CLCN4: variants seen among roughly 807,000 people sequenced by gnomAD.
The protein encoded by CLCN4 is Cl-/H+ antiporter 4, also known as H(+)/Cl(-) exchange transporter 4.
A neutral mutation model predicts 41.7 loss-of-function variants in CLCN4; 1 was observed. The ratio of observed to expected loss-of-function variants is 0.02; its 90% CI spans 0.01 to 0.11. The LOEUF (loss-of-function observed/expected upper bound fraction) is 0.11, where lower values mean the gene tolerates loss of function less well. Among genes scored for constraint, CLCN4 ranks in the 10% least tolerant of loss-of-function variants. The pLI, the probability that CLCN4 is intolerant of heterozygous loss-of-function variation, is 1.00. For missense variants in CLCN4, 287 were observed against 661.0 expected, an observed-to-expected ratio of 0.43 and a Z score of 6.20; for synonymous variants, 277 against 285.8, an observed-to-expected ratio of 0.97 and a Z score of 0.31.
intron 2 of CLCN4, among the ~76,000 whole-genome samples, chrX:10,164,019 G>A (rs769587980): frequency 8.9e-6 from 1 of 112,945 alleles, no homozygotes; most frequent in South Asian, 3.6e-4. Context: ...AAATGGACAA[G>A]GTTCCTGCCC....
chrX:10,198,118 GCA>G, intron 6 of CLCN4, 57 bp downstream of exon 6: 6 of 1,110,283 alleles, frequency 5.4e-6, no homozygotes, highest in Non-Finnish European at 6.2e-6. Flanking sequence ...TTCTTCTGTA[GCA>G]CTGTCATGCC....
In CLCN4 at chrX:10,198,147, GTTTTAC is replaced by G; in HGVS notation, c.555+89_555+94del. 4 of 927,289 alleles carry G rather than the reference GTTTTAC, an allele frequency of 4.3e-6. No homozygotes were observed. In the East Asian group the frequency reaches 1.3e-4, roughly 29 times the overall value. The allele number at this position is 927,289 out of a possible 1,213,427, so 76.4% of individuals were successfully genotyped here. On this transcript the variant is annotated intron_variant, in intron 6 of 12. Coordinates refer to ENST00000380833, the MANE Select transcript of CLCN4 (RefSeq NM_001830.4). ...TGTCATGCCAAGCACAGTTCCAAGC[GTTTTAC>G]TTCTACTAACTCATTAAGTTTCTCA...
At chrX:10,222,052 A>G (rs1273529816) in intron 12 of CLCN4, among the ~76,000 whole-genome samples, 2 of 113,159 alleles carry the variant, frequency 1.8e-5, no homozygotes, top group East Asian at 2.8e-4. Flanking sequence ...TGTTCCTGAT[A>G]TATCAATTTG....
At chrX:10,213,136 G>T (rs1309341237) in intron 10 of CLCN4, among the ~76,000 whole-genome samples, 1 of 111,779 alleles carries the variant, frequency 8.9e-6, no homozygotes, top group Admixed American at 9.5e-5. Context: ...TGTACTTGAG[G>T]CATGGTTTCT....
chrX:10,212,754 GA>G, intron 10 of CLCN4, 101 bp downstream of exon 10: 1 of 792,745 alleles, frequency 1.3e-6, no homozygotes, highest in Admixed American at 3.1e-5. Context: ...CTTTACTCAG[GA>G]TAGGCTGGGT....
At chrX:10,167,763 G>A (rs1016599239) in intron 2 of CLCN4, among the ~76,000 whole-genome samples, 4 of 112,823 alleles carry the variant, frequency 3.5e-5, no homozygotes, top group Admixed American at 2.8e-4. Context: ...CCTGAGAGAC[G>A]CTGAGCCAGA....
At chrX:10,231,267 A>C (rs1336593259) in intron 12 of CLCN4, among the ~76,000 whole-genome samples, 1 of 111,905 alleles carries the variant, frequency 8.9e-6, no homozygotes, top group Non-Finnish European at 1.9e-5. Context: ...ACTAAAGAAA[A>C]TGTTGGTTGC....
chrX:10,204,887 T>A (rs910550281), intron 6 of CLCN4, among the ~76,000 whole-genome samples: 24 of 110,536 alleles, frequency 2.2e-4, no homozygotes, highest in African/African-American at 6.6e-4. Flanking sequence ...TTTAATGAAT[T>A]TTACATGACA....
chrX:10,206,921 T>C, intron 8 of CLCN4, 145 bp downstream of exon 8: 3 of 463,273 alleles, frequency 6.5e-6, no homozygotes, highest in Non-Finnish European at 1.1e-5. Flanking sequence ...GTTTTTGTTT[T>C]TGTTTTTGTT....
intron 2 of CLCN4, among the ~76,000 whole-genome samples, chrX:10,169,246 T>A (rs1923322430): frequency 8.9e-6 from 1 of 111,977 alleles, no homozygotes; most frequent in African/African-American, 3.3e-5. Context: ...AAGGGATTTT[T>A]AAGGCAGTTT....
intron 5 of CLCN4, among the ~76,000 whole-genome samples, chrX:10,195,334 C>CTT (rs1924070434): frequency 9.0e-6 from 1 of 111,014 alleles, no homozygotes; most frequent in Non-Finnish European, 1.9e-5. Flanking sequence ...TATATATACA[C>CTT]TTTAAGCCTC....
intron 4 of CLCN4, among the ~76,000 whole-genome samples, chrX:10,192,244 TACAC>T (rs56033729): frequency 7.6e-4 from 76 of 100,427 alleles, no homozygotes; most frequent in African/African-American, 2.6e-3. Flanking sequence ...CTAGTGGAAG[TACAC>T]ACACACACAC....
intron 6 of CLCN4, among the ~76,000 whole-genome samples, chrX:10,203,995 A>G: frequency 8.9e-6 from 1 of 112,161 alleles, no homozygotes; most frequent in Non-Finnish European, 1.9e-5. Context: ...TGTCTAATTA[A>G]TCTGTGATTA....
chrX:10,208,241 C>A lies in CLCN4; in HGVS notation c.1040C>A (p.Thr347Asn), dbSNP rs1924445711. ...GGGGTCTTCGGGGGCTTGTGGGGAA[C>A]CCTCTTCATCCGCTGCAACATCGCC... is the stretch of plus-strand genomic sequence containing the variant. ...LLGVFGGLWG[T>N]LFIRCNIAWC... The change falls in exon 9 of 13, where the codon ACC becomes AAC. Residue 347 changes from threonine (T) to asparagine (N), a missense_variant. Thr to Asn is a moderately conservative substitution (Grantham distance 65). This residue lies in a region of CLCN4 where 94 missense variants were observed against 177.9 expected (regional missense o/e 0.53). Coordinates refer to ENST00000380833, the MANE Select transcript of CLCN4 (RefSeq NM_001830.4). 1 of 1,211,345 alleles carries A rather than the reference C, an allele frequency of 8.3e-7. No individual in the cohort carries two copies. Among genetic ancestry groups the A allele is most frequent in the Non-Finnish European group, 1.1e-6 (1 of 895,375 alleles).
At chrX:10,184,079 A>G (rs1211580387) in intron 2 of CLCN4, among the ~76,000 whole-genome samples, 1 of 112,102 alleles carries the variant, frequency 8.9e-6, no homozygotes, top group East Asian at 2.8e-4. Context: ...GTACATTTTG[A>G]ATATCCATGA....
rs138929078 is a variant in CLCN4 at position 10,217,382 on chromosome X, G to A, written c.1976-3279G>A. ...GGGCTTGATGATTCTCTGTGCTGGG[G>A]CTGTCTTGTGCACTCTTGGGTGCTG... On this transcript the variant is annotated intron_variant, in intron 11 of 12. Transcript: ENST00000380833. Among the ~76,000 whole-genome samples the A allele has an allele frequency of 6.8e-3, 764 of 111,966 alleles. 8 individuals carry two copies. The highest frequency in any genetic ancestry group is 0.023 in the African/African-American group (711 of 30,804).
intron 11 of CLCN4, among the ~76,000 whole-genome samples, chrX:10,216,241 A>G (rs1924700951): frequency 8.9e-6 from 1 of 112,444 alleles, no homozygotes; most frequent in South Asian, 3.6e-4. Context: ...AATTGTAGCA[A>G]CTGCTCACAT....
chrX:10,182,351 T>C (rs1346638886), intron 2 of CLCN4, among the ~76,000 whole-genome samples: 1 of 112,988 alleles, frequency 8.9e-6, no homozygotes, highest in East Asian at 2.8e-4. Context: ...ACAGGTTGGC[T>C]GCATGGTTGG....
intron 2 of CLCN4, among the ~76,000 whole-genome samples, chrX:10,165,920 G>A (rs748942845): frequency 1.7e-4 from 19 of 112,278 alleles, no homozygotes; most frequent in Non-Finnish European, 3.8e-5. Context: ...ACCAGGAACA[G>A]CACATGAACG....
Sources: allele counts gnomAD v4.1 joint callset (sites outside exome capture counted in the v4.1 genomes callset), GRCh38; gene constraint gnomAD v4.1.1; regional missense constraint gnomAD v4.1.1; transcripts MANE v1.5; gene names NCBI Gene and HGNC (gene_info 2026-07-23, HGNC 2026-07-21).